TECTA: variants seen among roughly 807,000 people sequenced by gnomAD.
TECTA encodes the protein tectorin alpha.
TECTA carries 128 observed loss-of-function variants against 216.8 expected under a neutral mutation model. That is an observed-to-expected ratio of 0.59 (90% CI 0.51 to 0.68). The LOEUF is 0.68. TECTA is among the 30% of genes least tolerant of loss of function. The pLI, the probability that TECTA is intolerant of heterozygous loss-of-function variation, is 0.00. For synonymous variants in TECTA, 1,089 were observed against 1,117.1 expected (o/e 0.97, Z 0.50); for missense variants, 2,551 against 2,786.2 (o/e 0.92, Z 1.90).
At chr11:121,166,308 G>T (rs970955732) in intron 17 of TECTA, among the ~76,000 whole-genome samples, 1 of 152,194 alleles carries the variant, frequency 6.6e-6, no homozygotes, top group African/African-American at 2.4e-5. Context: ...CCAGCAAGGT[G>T]GGGGAAGACC....
intron 21 of TECTA, among the ~76,000 whole-genome samples, chr11:121,188,244 C>T (rs566250471): frequency 1.3e-5 from 2 of 152,324 alleles, no homozygotes; most frequent in Non-Finnish European, 1.5e-5. Context: ...GCACTGTTGA[C>T]GTTTTGGACT....
Position 121,105,761 on chromosome 11 carries a change from G to T in TECTA, c.65-70G>T. On this transcript the variant is annotated intron_variant, in intron 2 of 23. Transcript: ENST00000392793. This position sits in a 1 kb window ranked among gnomAD's most constrained non-coding sequence, Gnocchi z 5.3. ...TACTGAAAGAAGCTGGCTTCAGTAG[G>T]TAGGAGAGATGTAGATTGCCAAACG... 5 of 1,602,560 alleles carry T rather than the reference G, an allele frequency of 3.1e-6. No homozygotes were observed. Among genetic ancestry groups the T allele is most frequent in the Non-Finnish European group, 4.3e-6 (5 of 1,174,144 alleles).
At chr11:121,120,062 A>G (rs1477241482) in intron 7 of TECTA, among the ~76,000 whole-genome samples, 1 of 152,150 alleles carries the variant, frequency 6.6e-6, no homozygotes, top group East Asian at 1.9e-4. Context: ...ACTTTCCTGT[A>G]TTTGGGGATG....
At chr11:121,128,469 C>A in intron 9 of TECTA, 125 bp downstream of exon 9, 1 of 841,708 alleles carries the variant, frequency 1.2e-6, no homozygotes, top group Non-Finnish European at 1.8e-6. Context: ...AAGATGGCTC[C>A]AAACGGGAGC....
At chr11:121,161,894 G>A (rs986442124) in intron 15 of TECTA, among the ~76,000 whole-genome samples, 181 bp from the exon 16 acceptor site, 6 of 151,978 alleles carry the variant, frequency 3.9e-5, no homozygotes, top group Non-Finnish European at 7.4e-5. Flanking sequence ...AGGAATTACC[G>A]TTTTACTTTC....
At chr11:121,185,057 T>C (rs1329869065) in intron 20 of TECTA, among the ~76,000 whole-genome samples, 1 of 152,238 alleles carries the variant, frequency 6.6e-6, no homozygotes, top group African/African-American at 2.4e-5. Context: ...ATTTTAAAAA[T>C]GGTATTTAAT....
At chr11:121,134,869 C>T (rs1366289855) in intron 10 of TECTA, among the ~76,000 whole-genome samples, 4 of 151,804 alleles carry the variant, frequency 2.6e-5, no homozygotes, top group Admixed American at 2.0e-4. Context: ...GTGATATTCC[C>T]TGTTTCCCTG....
intron 11 of TECTA, among the ~76,000 whole-genome samples, chr11:121,145,257 C>T (rs961362158): frequency 1.3e-5 from 2 of 152,212 alleles, no homozygotes; most frequent in African/African-American, 4.8e-5. Flanking sequence ...TAATTGAATT[C>T]TTATTACCTT....
At position 121,146,081 on chromosome 11, in the gene TECTA, T is replaced by TTACG; in HGVS notation, c.4071_4074dup (p.Val1359TyrfsTer40). 1 of 1,612,022 alleles carries TTACG rather than the reference T, an allele frequency of 6.2e-7. No individual in the cohort carries two copies. The highest frequency in any genetic ancestry group is 1.7e-5 in the Admixed American group (1 of 60,034). On this transcript the variant is annotated frameshift_variant, in exon 12 of 24. Transcript: ENST00000392793. LOFTEE classifies it high-confidence loss of function. ...GCCAGCACCTGCCAGACTCAGGGGA[T>TTACG]TACGGTGACTGGCTGGAGGAATTAC...
At chr11:121,170,641 T>A in intron 20 of TECTA, among the ~76,000 whole-genome samples, 1 of 152,192 alleles carries the variant, frequency 6.6e-6, no homozygotes, top group East Asian at 1.9e-4. Context: ...ACATGATATC[T>A]CATTGTGGTT....
intron 13 of TECTA, among the ~76,000 whole-genome samples, chr11:121,155,418 G>T (rs1417446055): frequency 6.6e-6 from 1 of 152,306 alleles, no homozygotes; most frequent in East Asian, 1.9e-4. Context: ...AAGTCAATTT[G>T]TGAGGCTGTT....
At position 121,127,689 on chromosome 11, in the gene TECTA, T is replaced by C. The variant is rs1438565844; in HGVS notation, c.1775-63T>C. On this transcript the variant is annotated intron_variant, in intron 8 of 23. Transcript: ENST00000392793. This position sits in a 1 kb window ranked among gnomAD's most constrained non-coding sequence, Gnocchi z 5.0. The stretch of plus-strand genomic sequence containing the variant: ...TGATCCAGGAGGAGCGTTAAGATTC[T>C]GGCGGGTTAGCACTCCGGGTCCATT... 1 of 1,577,536 alleles carries C rather than the reference T, an allele frequency of 6.3e-7. No individual in the cohort carries two copies. Among genetic ancestry groups the C allele is most frequent in the Non-Finnish European group, 8.7e-7 (1 of 1,146,978 alleles).
At chr11:121,103,469 G>A (rs1341504500) in intron 2 of TECTA, among the ~76,000 whole-genome samples, 4 of 152,070 alleles carry the variant, frequency 2.6e-5, no homozygotes, top group African/African-American at 9.7e-5. Context: ...TATTTTTCCA[G>A]AATTGGTGAA....
chr11:121,121,890 A>C (rs1191499682), intron 7 of TECTA, among the ~76,000 whole-genome samples: 1 of 152,146 alleles, frequency 6.6e-6, no homozygotes. Context: ...ACCAGCACAG[A>C]ACAATGGATA....
At chr11:121,163,752 G>A (rs1298900463) in intron 16 of TECTA, among the ~76,000 whole-genome samples, 1 of 152,160 alleles carries the variant, frequency 6.6e-6, no homozygotes, top group Non-Finnish European at 1.5e-5. Flanking sequence ...TTTGCCAGTT[G>A]GCAGATGGAC....
At chr11:121,119,060 G>C (rs180809218) in intron 7 of TECTA, among the ~76,000 whole-genome samples, 3 of 151,382 alleles carry the variant, frequency 2.0e-5, no homozygotes, top group East Asian at 1.9e-4. Flanking sequence ...ACTGGAAAGA[G>C]ATAAGTTTCT....
intron 14 of TECTA, 117 bp from the exon 15 acceptor site, chr11:121,160,018 T>C: frequency 3.4e-6 from 4 of 1,167,728 alleles, no homozygotes; most frequent in Middle Eastern, 2.4e-4. Context: ...AATGGAGTCG[T>C]TGAGACAGAG....
intron 7 of TECTA, among the ~76,000 whole-genome samples, chr11:121,124,825 G>A (rs779758364): frequency 1.3e-5 from 2 of 152,328 alleles, no homozygotes; most frequent in South Asian, 4.2e-4. Context: ...AAGCTAAATG[G>A]TGTCCAGCAG....
rs1364447010 is a variant in TECTA at position 121,109,223 on chromosome 11, G to A, written c.211G>A (p.Gly71Arg). The A allele has an allele frequency of 2.2e-5, 35 of 1,614,132 alleles. No homozygotes were observed. Among genetic ancestry groups the A allele is most frequent in the Non-Finnish European group, 2.9e-5 (34 of 1,180,014 alleles). ...PYRTVYVNNNGVVSFNVLVSQ... is the reference protein window; with the variant it reads ...PYRTVYVNNNRVVSFNVLVSQ... ...CTTATTTTCGTAGGTCAATAACAAC[G>A]GAGTTGTTTCCTTCAATGTGCTAGT... Residue 71 changes from glycine (G) to arginine (R), a missense_variant, in exon 4 of 24, where the codon GGA becomes AGA. Coordinates refer to ENST00000392793, the MANE Select transcript of TECTA (RefSeq NM_005422.4).
Sources: allele counts gnomAD v4.1 joint callset (sites outside exome capture counted in the v4.1 genomes callset), GRCh38; gene constraint gnomAD v4.1.1; non-coding constraint Gnocchi (gnomAD v3.1); transcripts MANE v1.5; gene names NCBI Gene and HGNC (gene_info 2026-07-23, HGNC 2026-07-21).